The following WDR19 variants were observed in gnomAD, a reference collection of about 807,000 sequenced individuals.
WDR19 encodes WD repeat domain 19, also known as WD repeat-containing protein 19.
Under a neutral mutation model 180.0 loss-of-function variants are expected in WDR19, and 121 were observed. The ratio of observed to expected loss-of-function variants is 0.67; its 90% CI spans 0.58 to 0.78. WDR19 has a LOEUF of 0.78. WDR19 is among the 30% of genes least tolerant of loss of function. WDR19 has a pLI of 0.00. For synonymous variants in WDR19, 497 were observed against 540.7 expected, an observed-to-expected ratio of 0.92 and a Z score of 1.12; for missense variants, 1,450 against 1,640.7, an observed-to-expected ratio of 0.88 and a Z score of 2.01.
Position 39,205,594 on chromosome 4 carries a change from T to C in WDR19, c.748T>C (p.Ser250Pro), listed in dbSNP as rs767505839. The C allele has an allele frequency of 1.9e-6, 3 of 1,613,576 alleles. No individual in the cohort carries two copies. Among genetic ancestry groups the C allele is most frequent in the Non-Finnish European group, 2.5e-6 (3 of 1,179,754 alleles). ...TGATGGCCGCATCATGATTGGTTTT[T>C]CATGTGGACATTTTGTGGTCATTTC... ...YGDGRIMIGF[S>P]CGHFVVISTH... Residue 250 changes from serine to proline, a missense_variant, in exon 9 of 37, where the codon TCA becomes CCA. Coordinates refer to ENST00000399820, the MANE Select transcript of WDR19 (RefSeq NM_025132.4).
intron 9 of WDR19, among the ~76,000 whole-genome samples, chr4:39,208,456 ACCACCATG>A (rs1728177992): frequency 6.6e-6 from 1 of 151,874 alleles, no homozygotes; most frequent in South Asian, 2.1e-4. Flanking sequence ...ACAGGTGTGC[ACCACCATG>A]CCTGGCTAAT....
chr4:39,261,806 A>G (rs141238827), intron 28 of WDR19, among the ~76,000 whole-genome samples: 9 of 152,150 alleles, frequency 5.9e-5, no homozygotes, highest in Non-Finnish European at 1.2e-4. Flanking sequence ...GTACTTTCTC[A>G]TTGTTGTGTT....
rs1737139615 is a variant in WDR19 at position 39,285,742 on chromosome 4, A to ACTATGTCATAGG, written c.*269_*270insCTATGTCATAGG. On this transcript the variant is annotated 3_prime_UTR_variant, in exon 37 of 37. Transcript: ENST00000399820. ...ACTGTTAATAGTAACCTATGACATA[A>ACTATGTCATAGG]TTGTAAATATTCAGCTTTTTGCTAA... 1 of 152,220 alleles carries ACTATGTCATAGG rather than the reference A, an allele frequency of 6.6e-6. No homozygotes were observed. Among genetic ancestry groups the ACTATGTCATAGG allele is most frequent in the Non-Finnish European group, 1.5e-5 (1 of 68,034 alleles). The allele number at this position is 152,220 out of a possible 1,614,324, so 9.4% of individuals were successfully genotyped here. A position where few individuals can be genotyped will look rare whatever the true frequency, so the allele number is the denominator to read the frequency against.
At chr4:39,186,206 G>A (rs1037772885) in intron 2 of WDR19, among the ~76,000 whole-genome samples, 1 of 152,094 alleles carries the variant, frequency 6.6e-6, no homozygotes, top group South Asian at 2.1e-4. Flanking sequence ...TAGGCCAGGT[G>A]CAGTGGCTCA....
intron 24 of WDR19, among the ~76,000 whole-genome samples, chr4:39,250,079 C>G (rs375745296): frequency 1.3e-5 from 2 of 152,044 alleles, no homozygotes; most frequent in Admixed American, 1.3e-4. Flanking sequence ...TGATGAACAT[C>G]GATGCAAAAA....
Position 39,234,757 on chromosome 4 carries a change from T to G in WDR19, c.2254-9T>G, listed in dbSNP as rs1236168987. ...TCATTTGAAATTAAGGTCTTTCTCTTCTTAACAGATGAGAAGGGATTTACA... is the reference window on the plus strand; with the variant it reads ...TCATTTGAAATTAAGGTCTTTCTCTGCTTAACAGATGAGAAGGGATTTACA... On this transcript the variant is annotated splice_polypyrimidine_tract_variant and intron_variant, in intron 19 of 36. Coordinates refer to ENST00000399820, the MANE Select transcript of WDR19 (RefSeq NM_025132.4). The G allele has an allele frequency of 6.4e-7, 1 of 1,558,778 alleles. No homozygotes were observed.
chr4:39,220,559 GATTTTT>G (rs1729566158), intron 14 of WDR19, among the ~76,000 whole-genome samples: 2 of 39,806 alleles, frequency 5.0e-5, no homozygotes, highest in African/African-American at 1.8e-4. Context: ...AGACCTCCTT[GATTTTT>G]TTTTTTTTTT....
chr4:39,220,875 T>A (rs1729628975), intron 14 of WDR19, among the ~76,000 whole-genome samples: 2 of 106,812 alleles, frequency 1.9e-5, no homozygotes, highest in East Asian at 6.3e-4. Flanking sequence ...AATTAATTTT[T>A]TTTTTTTTTT....
At chr4:39,192,304 G>A (rs766909458) in intron 4 of WDR19, among the ~76,000 whole-genome samples, 1 of 152,198 alleles carries the variant, frequency 6.6e-6, no homozygotes, top group Non-Finnish European at 1.5e-5. Context: ...AGGATTAACT[G>A]TGTAAGAGAT....
chr4:39,220,476 G>A (rs539318245), intron 14 of WDR19, among the ~76,000 whole-genome samples: 5 of 147,966 alleles, frequency 3.4e-5, no homozygotes, highest in South Asian at 2.1e-4. Flanking sequence ...CCACCATGTC[G>A]TGCTAATTTT....
At chr4:39,281,124 T>C (rs1736458551) in intron 36 of WDR19, among the ~76,000 whole-genome samples, 1 of 151,968 alleles carries the variant, frequency 6.6e-6, no homozygotes, top group Non-Finnish European at 1.5e-5. Flanking sequence ...TGGTATCTTT[T>C]GATGAGGTTT....
chr4:39,244,925 C>CTT (rs11356985), intron 23 of WDR19, among the ~76,000 whole-genome samples: 2 of 133,884 alleles, frequency 1.5e-5, no homozygotes, highest in Non-Finnish European at 3.2e-5. Flanking sequence ...GATTTTCTTT[C>CTT]TTTTTTTTTT....
At chr4:39,281,252 G>GAGAGAGAGAGAGAGAGAC in intron 36 of WDR19, among the ~76,000 whole-genome samples, 1 of 145,120 alleles carries the variant, frequency 6.9e-6, no homozygotes, top group African/African-American at 2.7e-5. Context: ...GAGAGAGAGA[G>GAGAGAGAGAGAGAGAGAC]AGAGAGAGAG....
rs775439462 is a variant in WDR19, at chr4:39,215,992, C to T, written c.1113C>T (p.Thr371=). The T allele has an allele frequency of 1.2e-5, 19 of 1,607,318 alleles. No homozygotes were observed. The highest frequency in any genetic ancestry group is 3.4e-5 in the Admixed American group (2 of 58,790). ...ATCTCACCTCCCTCCTTGAAGTCAC[C>T]GTAGCCAACCCTGTTGAAGGAGTAT... The part of the protein sequence containing the change: ...IAYLTSLLEV[T]VANPVEGELP... The change falls in exon 11 of 37, where the codon ACC becomes ACT. Residue 371 remains threonine (T), a synonymous_variant. Transcript: ENST00000399820.
intron 31 of WDR19, among the ~76,000 whole-genome samples, chr4:39,270,895 A>ATTTTTTT (rs33964549): frequency 7.3e-6 from 1 of 136,938 alleles, no homozygotes; most frequent in Non-Finnish European, 1.5e-5. Flanking sequence ...ATAGAAAAGA[A>ATTTTTTT]TTTTTTTTTT....
Position 39,244,428 on chromosome 4 carries a change from T to C in WDR19, c.2562+40T>C, listed in dbSNP as rs771065253. On this transcript the variant is annotated intron_variant, in intron 22 of 36. Transcript: ENST00000399820. ...GCATCAATATACATGTGGTCTTTTA[T>C]ACATAATAACTTAGTATTTTAATAA... The C allele has an allele frequency of 6.8e-6, 11 of 1,613,772 alleles. No homozygotes were observed. The African/African-American group carries it at 1.5e-4, about 22-fold the overall frequency.
intron 1 of WDR19, 128 bp from the exon 2 acceptor site, chr4:39,185,598 C>G: frequency 1.2e-6 from 1 of 836,578 alleles, no homozygotes; most frequent in Non-Finnish European, 1.9e-6. Context: ...TCTAGATAAG[C>G]TCTAACATAA....
At chr4:39,219,054 T>C (rs190134372) in intron 14 of WDR19, 30 of 152,358 alleles carry the variant, frequency 2.0e-4, no homozygotes, top group African/African-American at 6.5e-4. Flanking sequence ...CAATGCCTTC[T>C]TCTGGATACC....
At chr4:39,199,450 G>A (rs1175665785) in intron 5 of WDR19, 28 bp from the exon 6 acceptor site, 1 of 1,566,860 alleles carries the variant, frequency 6.4e-7, no homozygotes, top group Non-Finnish European at 8.8e-7. Context: ...AAATCCACAT[G>A]TCTGTATAAA....
Sources: gnomAD v4.1 joint callset for allele counts (sites outside exome capture counted in the v4.1 genomes callset) on GRCh38, gnomAD v4.1.1 for gene constraint, MANE v1.5 for transcripts, NCBI Gene and HGNC (gene_info 2026-07-23, HGNC 2026-07-21) for gene names.